Variants in PRKG1 observed in about 807,000 individuals in gnomAD.
The protein encoded by PRKG1 is cGMP-dependent protein kinase 1.
PRKG1 carries 35 observed loss-of-function variants against 88.1 expected under a neutral mutation model. The ratio of observed to expected loss-of-function variants is 0.40; its 90% CI spans 0.30 to 0.53. The LOEUF (loss-of-function observed/expected upper bound fraction) is 0.53. PRKG1 is among the 20% of genes least tolerant of loss of function. PRKG1 has a pLI of 0.59. For missense variants in PRKG1, 540 were observed against 839.8 expected, an observed-to-expected ratio of 0.64 and a Z score of 4.41; for synonymous variants, 303 against 292.5, an observed-to-expected ratio of 1.04 and a Z score of -0.37.
chr10:51,412,137 A>G (rs1262129294), intron 2 of PRKG1, among the ~76,000 whole-genome samples: 2 of 151,158 alleles, frequency 1.3e-5, no homozygotes, highest in Non-Finnish European at 2.9e-5. Context: ...TAACTATGAA[A>G]TATTTTTTAT....
At chr10:51,557,065 A>G (rs1243432675) in intron 3 of PRKG1, among the ~76,000 whole-genome samples, 1 of 151,730 alleles carries the variant, frequency 6.6e-6, no homozygotes, top group Non-Finnish European at 1.5e-5. Flanking sequence ...TTCTCCCCCA[A>G]TCCCACACAC....
chr10:51,029,460 C>T (rs778263719), intron 1 of PRKG1, among the ~76,000 whole-genome samples: 16 of 152,114 alleles, frequency 1.1e-4, no homozygotes, highest in Non-Finnish European at 2.2e-4. Flanking sequence ...AGAAAGTCAC[C>T]TCATCCATTT....
At chr10:51,248,898 C>T (rs1265945906) in intron 2 of PRKG1, among the ~76,000 whole-genome samples, 1 of 151,664 alleles carries the variant, frequency 6.6e-6, no homozygotes, top group Non-Finnish European at 1.5e-5. Context: ...AAGCATCCCT[C>T]ATATTCTAAA....
chr10:51,658,888 T>G (rs113214959), intron 3 of PRKG1, among the ~76,000 whole-genome samples: 162 of 152,240 alleles, frequency 1.1e-3, no homozygotes, highest in African/African-American at 3.7e-3. Context: ...ACTTAAGTTT[T>G]TTTTGCCCAA....
At chr10:52,009,875 A>G (rs917852047) in intron 5 of PRKG1, among the ~76,000 whole-genome samples, 1 of 152,150 alleles carries the variant, frequency 6.6e-6, no homozygotes. Flanking sequence ...TTGCACACCT[A>G]CAACCATCTG....
At chr10:51,471,015 G>A (rs1030897230) in intron 3 of PRKG1, among the ~76,000 whole-genome samples, 1 of 151,724 alleles carries the variant, frequency 6.6e-6, no homozygotes, top group Non-Finnish European at 1.5e-5. Flanking sequence ...AAAAAATCGT[G>A]GTATGATTCA....
intron 2 of PRKG1, among the ~76,000 whole-genome samples, chr10:51,355,662 A>AT (rs1232721080): frequency 1.3e-5 from 2 of 151,592 alleles, no homozygotes; most frequent in Non-Finnish European, 1.5e-5. Flanking sequence ...GCCCACCCAG[A>AT]TTTTTTTTTC....
At chr10:51,914,285 A>C (rs1293831486) in intron 5 of PRKG1, among the ~76,000 whole-genome samples, 1 of 7,750 alleles carries the variant, frequency 1.3e-4, no homozygotes, top group Non-Finnish European at 2.1e-4. Flanking sequence ...AAAGCAGCAA[A>C]TAAAAACTTT....
intron 2 of PRKG1, among the ~76,000 whole-genome samples, chr10:51,350,824 G>C (rs1043861384): frequency 1.3e-5 from 2 of 152,100 alleles, no homozygotes; most frequent in Admixed American, 1.3e-4. Flanking sequence ...GTGCAGGTTT[G>C]CTGCACAGGT....
chr10:51,010,130 GT>G (rs1157480906), intron 1 of PRKG1, among the ~76,000 whole-genome samples: 5 of 152,230 alleles, frequency 3.3e-5, no homozygotes, highest in Admixed American at 3.3e-4. Flanking sequence ...CAGGGCCATT[GT>G]TTGTGCGAAG....
At chr10:51,314,007 G>T (rs959728265) in intron 2 of PRKG1, among the ~76,000 whole-genome samples, 2 of 152,136 alleles carry the variant, frequency 1.3e-5, no homozygotes, top group African/African-American at 4.8e-5. Context: ...GCAGCAACTG[G>T]TAAAGGACAC....
intron 1 of PRKG1, among the ~76,000 whole-genome samples, chr10:51,104,823 G>T (rs182752702): frequency 3.6e-4 from 55 of 151,898 alleles, no homozygotes; most frequent in African/African-American, 1.2e-3. Flanking sequence ...TCCACCTCCA[G>T]GGTTCAAGTG....
At chr10:51,962,614 G>A (rs969080064) in intron 5 of PRKG1, among the ~76,000 whole-genome samples, 1 of 152,040 alleles carries the variant, frequency 6.6e-6, no homozygotes, top group Non-Finnish European at 1.5e-5. Flanking sequence ...GTTCACCAGG[G>A]ATAATCCTGC....
intron 5 of PRKG1, among the ~76,000 whole-genome samples, chr10:52,001,046 C>A (rs187768746): frequency 6.6e-6 from 1 of 151,886 alleles, no homozygotes; most frequent in Non-Finnish European, 1.5e-5. Flanking sequence ...CTCTCTATTA[C>A]GGTGGGTTCA....
At chr10:51,681,191 A>C (rs141356589) in intron 3 of PRKG1, among the ~76,000 whole-genome samples, 2,070 of 152,228 alleles carry the variant, frequency 0.014, 29 homozygotes, top group Admixed American at 0.022. Flanking sequence ...ATTTGAGTAA[A>C]TTTTAAAATG....
intron 2 of PRKG1, among the ~76,000 whole-genome samples, chr10:51,211,166 A>C (rs534006292): frequency 0.017 from 2,557 of 151,274 alleles, 37 homozygotes; most frequent in Middle Eastern, 0.045. Context: ...TCAACATACG[A>C]AAATCGATAA....
chr10:52,245,110 C>T (rs1178509786), intron 9 of PRKG1, among the ~76,000 whole-genome samples: 1 of 151,432 alleles, frequency 6.6e-6, no homozygotes, highest in African/African-American at 2.4e-5. Context: ...ATCCTGTGTA[C>T]CAAATGTTCA....
rs534196285 is a variant in PRKG1, at chr10:51,021,587, G to A, written c.266+29943G>A. 5.7e-4 allele frequency among the ~76,000 whole-genome samples: 87 copies of A among 152,314 alleles called. 1 individual carries two copies. The highest frequency in any genetic ancestry group is 3.4e-3 in the Middle Eastern group (1 of 294). On this transcript the variant is annotated intron_variant, in intron 1 of 17. Transcript: ENST00000401604. ...TCTTCCTCAACAGATTTGGCAGACTGTGTGGAGTAGATAAAAGGTAGAATT... is the reference window on the plus strand; with the variant it reads ...TCTTCCTCAACAGATTTGGCAGACTATGTGGAGTAGATAAAAGGTAGAATT...
intron 2 of PRKG1, among the ~76,000 whole-genome samples, chr10:51,282,901 A>C (rs1840337928): frequency 6.6e-6 from 1 of 152,184 alleles, no homozygotes; most frequent in Non-Finnish European, 1.5e-5. Flanking sequence ...CAGGTTTGTT[A>C]CATGGGTATG....
Sources: gnomAD v4.1 joint callset for allele counts (sites outside exome capture counted in the v4.1 genomes callset) on GRCh38, gnomAD v4.1.1 for gene constraint, MANE v1.5 for transcripts, NCBI Gene and HGNC (gene_info 2026-07-23, HGNC 2026-07-21) for gene names.